The following HMMR variants were observed in gnomAD, a reference collection of about 807,000 sequenced individuals.
HMMR encodes intracellular hyaluronic acid-binding protein.
Under a neutral mutation model 101.0 loss-of-function variants are expected in HMMR, and 108 were observed. That is an observed-to-expected ratio of 1.07 (90% CI 0.92 to 1.25). The LOEUF (loss-of-function observed/expected upper bound fraction) is 1.25. Ranked by LOEUF, HMMR falls within the 50% of genes most tolerant of loss-of-function variation. HMMR has a pLI of 0.00. For synonymous variants in HMMR, 296 were observed against 276.4 expected (o/e 1.07, Z -0.70); for missense variants, 813 against 788.7 (o/e 1.03, Z -0.37).
intron 4 of HMMR, among the ~76,000 whole-genome samples, chr5:163,469,323 C>T (rs1344099427): frequency 6.6e-6 from 1 of 150,826 alleles, no homozygotes; most frequent in Non-Finnish European, 1.5e-5. Flanking sequence ...GAGATCGTGC[C>T]ACTGCACTCC....
intron 11 of HMMR, among the ~76,000 whole-genome samples, chr5:163,477,460 G>T (rs753369940): frequency 6.6e-6 from 1 of 152,096 alleles, no homozygotes; most frequent in Non-Finnish European, 1.5e-5. Context: ...GATTAGTGAT[G>T]CAAATGAACA....
chr5:163,461,673 G>A (rs749017321), intron 1 of HMMR, among the ~76,000 whole-genome samples: 2 of 151,826 alleles, frequency 1.3e-5, no homozygotes, highest in Non-Finnish European at 2.9e-5. Context: ...AGTCCCAGCT[G>A]ACTACAGGCT....
At chr5:163,474,972 A>G (rs1759020847) in intron 10 of HMMR, among the ~76,000 whole-genome samples, 1 of 152,072 alleles carries the variant, frequency 6.6e-6, no homozygotes, top group Non-Finnish European at 1.5e-5. Flanking sequence ...TATATTCCAA[A>G]CTAGTAGCTA....
chr5:163,484,067 A>T lies in HMMR; in HGVS notation c.1786-2A>T. On this transcript the variant is annotated splice_acceptor_variant, in intron 15 of 17. Coordinates refer to ENST00000393915, the MANE Select transcript of HMMR (RefSeq NM_001142556.2). LOFTEE classifies it high-confidence loss of function. ...TAACTTTATTTAAAAAATCTTTTTC[A>T]GCTACAACTAGATGCTTTTGAAGTA... is the stretch of plus-strand genomic sequence containing the variant. 1.3e-6 allele frequency: 2 copies of T among 1,561,542 alleles called. No individual in the cohort carries two copies. Among genetic ancestry groups the T allele is most frequent in the Non-Finnish European group, 1.7e-6 (2 of 1,151,894 alleles).
chr5:163,487,069 A>AT (rs1759502966), intron 16 of HMMR, among the ~76,000 whole-genome samples: 1 of 152,224 alleles, frequency 6.6e-6, no homozygotes, highest in Non-Finnish European at 1.5e-5. Flanking sequence ...TCTAAAAAAA[A>AT]CAAAGATGTC....
chr5:163,484,028 A>G, intron 15 of HMMR, 41 bp from the exon 16 acceptor site: 1 of 1,219,226 alleles, frequency 8.2e-7, no homozygotes, highest in South Asian at 1.4e-5. Flanking sequence ...GTAAGATCAA[A>G]CTGTTTTAAG....
At chr5:163,484,936 A>T (rs1379582879) in intron 16 of HMMR, among the ~76,000 whole-genome samples, 2 of 152,184 alleles carry the variant, frequency 1.3e-5, no homozygotes, top group East Asian at 3.8e-4. Flanking sequence ...CCTGTGTTGT[A>T]GCATGGAGAG....
intron 16 of HMMR, among the ~76,000 whole-genome samples, chr5:163,489,679 A>T (rs1020900152): frequency 1.6e-4 from 25 of 152,286 alleles, no homozygotes; most frequent in African/African-American, 5.8e-4. Context: ...ACTGTGCCCA[A>T]GGTGAGCCCC....
chr5:163,478,681 T>C lies in HMMR; in HGVS notation c.1269-3T>C, dbSNP rs557866563. 21 of 1,579,516 alleles carry C rather than the reference T, an allele frequency of 1.3e-5. No homozygotes were observed. The highest frequency in any genetic ancestry group is 9.4e-5 in the African/African-American group (7 of 74,310). ...TTATCTTTCAATTATTTCTTTTTCT[T>C]AGGAAGGAGGCTGAACTGGAGAAAA... On this transcript the variant is annotated splice_polypyrimidine_tract_variant and splice_region_variant and intron_variant, in intron 11 of 17. Transcript: ENST00000393915.
intron 12 of HMMR, 115 bp from the exon 13 acceptor site, chr5:163,482,527 T>C: frequency 1.4e-6 from 1 of 707,236 alleles, no homozygotes; most frequent in Non-Finnish European, 2.4e-6. Flanking sequence ...AATGCATGAA[T>C]ACATTAAAAA....
In HMMR at chr5:163,485,347, T is replaced by C. The variant is rs144361045; in HGVS notation, c.1962+1102T>C. Among the ~76,000 whole-genome samples the C allele has an allele frequency of 1.5e-3, 236 of 152,336 alleles. 1 individual carries two copies. Among genetic ancestry groups the C allele is most frequent in the African/African-American group, 5.4e-3 (224 of 41,572 alleles). On this transcript the variant is annotated intron_variant, in intron 16 of 17. Transcript: ENST00000393915. Reference sequence around the variant, plus strand: ...CCACATTCTTACCAACATTTGTTATTATCTGACTTCTTTATCCTAGCCATT... The same window carrying C: ...CCACATTCTTACCAACATTTGTTATCATCTGACTTCTTTATCCTAGCCATT...
chr5:163,476,503 C>T (rs11741573), intron 11 of HMMR, among the ~76,000 whole-genome samples: 29,145 of 152,072 alleles, frequency 0.19, 3,211 homozygotes, highest in South Asian at 0.42. Context: ...GGCACAATGG[C>T]ACATGCCTAA....
Position 163,482,666 on chromosome 5 carries a change from G to A in HMMR, c.1410G>A (p.Glu470=), listed in dbSNP as rs1381748629. 9 of 1,612,304 alleles carry A rather than the reference G, an allele frequency of 5.6e-6. No individual in the cohort carries two copies. Among genetic ancestry groups the A allele is most frequent in the Admixed American group, 1.7e-5 (1 of 59,978 alleles). The change falls in exon 13 of 18, where the codon GAG becomes GAA. Residue 470 remains glutamate, a synonymous_variant. Transcript: ENST00000393915. The part of the protein sequence containing the change: ...FESYKALTAS[E]IEDLKLENSS... ...GCTATAAAGCGTTAACAGCCAGTGAGATAGAAGATCTTAAGCTGGAGAACT... is the reference window on the plus strand; with the variant it reads ...GCTATAAAGCGTTAACAGCCAGTGAAATAGAAGATCTTAAGCTGGAGAACT...
chr5:163,475,923 G>T, intron 11 of HMMR, among the ~76,000 whole-genome samples: 1 of 152,010 alleles, frequency 6.6e-6, no homozygotes, highest in African/African-American at 2.4e-5. Context: ...TTTTTTTAAG[G>T]CCAAAGAGAG....
intron 10 of HMMR, chr5:163,474,650 G>A (rs576032392): frequency 2.2e-6 from 1 of 447,218 alleles, no homozygotes; most frequent in Non-Finnish European, 4.5e-6. Context: ...AGAAGTTCTG[G>A]CCTGTAAATA....
At chr5:163,481,692 A>G (rs533280823) in intron 12 of HMMR, among the ~76,000 whole-genome samples, 5 of 152,172 alleles carry the variant, frequency 3.3e-5, no homozygotes, top group Admixed American at 2.6e-4. Flanking sequence ...CTTACCCCCA[A>G]TATTCAGTCT....
At chr5:163,463,784 T>G (rs1194867167) in intron 1 of HMMR, 72 bp from the exon 2 acceptor site, 1 of 589,522 alleles carries the variant, frequency 1.7e-6, no homozygotes, top group African/African-American at 2.0e-5. Flanking sequence ...ATATTCACTT[T>G]ATTATGACAT....
chr5:163,482,553 TAGA>T, intron 12 of HMMR, 86 bp from the exon 13 acceptor site: 3 of 945,268 alleles, frequency 3.2e-6, no homozygotes, highest in Non-Finnish European at 4.9e-6. Context: ...TAGTTTTACT[TAGA>T]AGTATATAAA....
intron 16 of HMMR, among the ~76,000 whole-genome samples, chr5:163,490,033 G>A (rs1759630966): frequency 6.6e-6 from 1 of 152,186 alleles, no homozygotes; most frequent in Non-Finnish European, 1.5e-5. Context: ...AATTTTCAGA[G>A]GCTTTAACTG....
Sources: gnomAD v4.1 joint callset for allele counts (sites outside exome capture counted in the v4.1 genomes callset) on GRCh38, gnomAD v4.1.1 for gene constraint, MANE v1.5 for transcripts, NCBI Gene and HGNC (gene_info 2026-07-23, HGNC 2026-07-21) for gene names.